Variants in GNA11 observed in about 807,000 individuals in gnomAD.
GNA11 encodes guanine nucleotide-binding protein subunit alpha-11.
In GNA11, 8 loss-of-function variants were observed where a neutral mutation model predicts 38.2. The ratio of observed to expected loss-of-function variants is 0.21; its 90% CI spans 0.12 to 0.38. The LOEUF (loss-of-function observed/expected upper bound fraction) is 0.38. Ranked by LOEUF, GNA11 falls within the 10% of genes least tolerant of loss-of-function variation. The pLI is 1.00. For synonymous variants in GNA11, 211 were observed against 221.4 expected, an observed-to-expected ratio of 0.95 and a Z score of 0.42; for missense variants, 268 against 516.3, an observed-to-expected ratio of 0.52 and a Z score of 4.66.
intron 4 of GNA11, chr19:3,118,521 G>T (rs1185929981): frequency 5.1e-6 from 1 of 196,388 alleles, no homozygotes; most frequent in South Asian, 1.1e-4. Context: ...AGTGACGCTT[G>T]GTGAACATCT....
At chr19:3,111,329 C>T (rs1000695914) in intron 2 of GNA11, among the ~76,000 whole-genome samples, 1 of 152,220 alleles carries the variant, frequency 6.6e-6, no homozygotes, top group African/African-American at 2.4e-5. Context: ...ACTCCCACCC[C>T]CTCCTCCAGC....
In GNA11 at chr19:3,120,838, G is replaced by A; in HGVS notation, c.890-151G>A. ...GCAGCTCACCTGGGGAGGGAGGGGAGCTGCGGCCCGTCAGGCATGCAGTGG... is the reference window on the plus strand; with the variant it reads ...GCAGCTCACCTGGGGAGGGAGGGGAACTGCGGCCCGTCAGGCATGCAGTGG... On this transcript the variant is annotated intron_variant, in intron 6 of 6. Transcript: ENST00000078429. The surrounding 1 kb of genome is among the most constrained non-coding windows in gnomAD (Gnocchi z 5.9). 1.7e-6 allele frequency: 1 copy of A among 600,582 alleles called. No individual in the cohort carries two copies. The highest frequency in any genetic ancestry group is 3.0e-6 in the Non-Finnish European group (1 of 338,460). The allele number at this position is 600,582 out of a possible 1,614,324, so 37.2% of individuals were successfully genotyped here. A position where few individuals can be genotyped will look rare whatever the true frequency, so the allele number is the denominator to read the frequency against.
At chr19:3,109,716 G>A (rs988783241) in intron 1 of GNA11, among the ~76,000 whole-genome samples, 22 of 152,184 alleles carry the variant, frequency 1.4e-4, no homozygotes, top group Admixed American at 5.9e-4. Context: ...GGGTGAGTCC[G>A]TCTGTCAGGG....
chr19:3,103,692 ATTTTTTTTTTTGTAAAT>A (rs1258515233), intron 1 of GNA11, among the ~76,000 whole-genome samples: 2 of 142,256 alleles, frequency 1.4e-5, no homozygotes, highest in Non-Finnish European at 3.1e-5. Flanking sequence ...CACCCAGCTA[ATTTTTTTTTTTGTAAAT>A]TTTTTTTTTT....
rs971806916 is a variant in GNA11 at position 3,120,455 on chromosome 19, G to A, written c.890-534G>A. On this transcript the variant is annotated intron_variant, in intron 6 of 6. Transcript: ENST00000078429. The surrounding 1 kb of genome is among the most constrained non-coding windows in gnomAD (Gnocchi z 5.9). ...CCGGGGCAGGCAGGAGTTACTGGGC[G>A]GGTCGCCTGCATTGTCCAGGGTGGT... Among the ~76,000 whole-genome samples the A allele has an allele frequency of 1.6e-4, 24 of 152,194 alleles. No homozygotes were observed. The highest frequency in any genetic ancestry group is 4.1e-4 in the African/African-American group (17 of 41,554).
chr19:3,099,314 C>T (rs1337035473), intron 1 of GNA11, among the ~76,000 whole-genome samples: 2 of 152,164 alleles, frequency 1.3e-5, no homozygotes, highest in African/African-American at 2.4e-5. Context: ...CCAGCTTGTG[C>T]GTGGAGGATG....
intron 3 of GNA11, among the ~76,000 whole-genome samples, chr19:3,113,904 A>G (rs895078380): frequency 6.6e-6 from 1 of 152,076 alleles, no homozygotes; most frequent in African/African-American, 2.4e-5. Flanking sequence ...GTCTCCCACT[A>G]GTGACTGGCT....
intron 4 of GNA11, among the ~76,000 whole-genome samples, chr19:3,115,683 G>A (rs1261795798): frequency 1.3e-5 from 2 of 150,920 alleles, no homozygotes; most frequent in South Asian, 2.1e-4. Context: ...GTGCCGCATG[G>A]TGCGGGAGGG....
chr19:3,114,700 G>A (rs975237227), intron 3 of GNA11, among the ~76,000 whole-genome samples: 1 of 152,196 alleles, frequency 6.6e-6, no homozygotes, highest in Admixed American at 6.5e-5. Flanking sequence ...ACTTTCTCTT[G>A]TGCTGGGTCA....
intron 4 of GNA11, among the ~76,000 whole-genome samples, chr19:3,116,524 T>G (rs1237520795): frequency 6.6e-6 from 1 of 152,204 alleles, no homozygotes; most frequent in Admixed American, 6.5e-5. Flanking sequence ...CCCATCCTCA[T>G]GCAGCGTCCT....
In GNA11 at chr19:3,113,496, C is replaced by G. The variant is rs770871639; in HGVS notation, c.476+12C>G. On this transcript the variant is annotated intron_variant, in intron 3 of 6. Transcript: ENST00000078429. ...GACTCTGCCAAGTAGTAAGTGCGGC[C>G]GCACCGCTGGCGGCCTGGGGACGGC... is the stretch of plus-strand genomic sequence containing the variant. 6.4e-7 allele frequency: 1 copy of G among 1,560,238 alleles called. No individual in the cohort carries two copies. The highest frequency in any genetic ancestry group is 8.7e-7 in the Non-Finnish European group (1 of 1,151,828).
intron 1 of GNA11, among the ~76,000 whole-genome samples, chr19:3,100,031 G>A (rs554543403): frequency 1.3e-5 from 2 of 152,350 alleles, no homozygotes; most frequent in South Asian, 2.1e-4. Context: ...TTCCGCTGCC[G>A]GTGTGGTGAT....
At chr19:3,116,406 T>C (rs997499775) in intron 4 of GNA11, among the ~76,000 whole-genome samples, 8 of 152,192 alleles carry the variant, frequency 5.3e-5, no homozygotes, top group African/African-American at 1.9e-4. Flanking sequence ...CTTCTGAGGC[T>C]GAGGGGATCT....
chr19:3,104,182 G>A (rs1444338268), intron 1 of GNA11, among the ~76,000 whole-genome samples: 2 of 152,260 alleles, frequency 1.3e-5, no homozygotes, highest in Non-Finnish European at 2.9e-5. Flanking sequence ...CTCTTGTGGC[G>A]CTTGGAGCCT....
chr19:3,115,788 G>A (rs1287744753), intron 4 of GNA11, among the ~76,000 whole-genome samples: 8 of 122,784 alleles, frequency 6.5e-5, no homozygotes, highest in East Asian at 2.4e-4. Flanking sequence ...TGAGGGGAGG[G>A]GGGGGGTCAC....
intron 1 of GNA11, among the ~76,000 whole-genome samples, chr19:3,099,604 C>T (rs913754529): frequency 1.3e-5 from 2 of 152,148 alleles, no homozygotes; most frequent in African/African-American, 4.8e-5. Flanking sequence ...ATTGGCTGCC[C>T]TGGATCCAGA....
intron 3 of GNA11, 100 bp downstream of exon 3, chr19:3,113,584 C>A: frequency 1.1e-6 from 1 of 901,924 alleles, no homozygotes; most frequent in Non-Finnish European, 1.6e-6. Context: ...GTGCCCCCTG[C>A]CTGCTCGCCG....
intron 1 of GNA11, among the ~76,000 whole-genome samples, chr19:3,103,730 G>C (rs1568280058): frequency 1.3e-5 from 2 of 150,388 alleles, no homozygotes; most frequent in African/African-American, 4.9e-5. Flanking sequence ...TGAGACAAGA[G>C]TCTTGCTCTG....
rs547697700 is a variant in GNA11, at chr19:3,109,331, G to A, written c.137-818G>A. ...GCTCATCTGGAGGCTGGGGTGGAGC[G>A]ACAGCTGGCCACATGGGCCCCCTTC... On this transcript the variant is annotated intron_variant, in intron 1 of 6. Transcript: ENST00000078429. Among the ~76,000 whole-genome samples the A allele has an allele frequency of 9.2e-4, 140 of 152,338 alleles. 1 individual carries two copies. Among genetic ancestry groups the A allele is most frequent in the African/African-American group, 2.9e-3 (122 of 41,574 alleles).
Sources: gnomAD v4.1 joint callset for allele counts (sites outside exome capture counted in the v4.1 genomes callset) on GRCh38, gnomAD v4.1.1 for gene constraint, Gnocchi (gnomAD v3.1) non-coding constraint, MANE v1.5 for transcripts, NCBI Gene and HGNC (gene_info 2026-07-23, HGNC 2026-07-21) for gene names.